KNL1: variants seen among roughly 807,000 people sequenced by gnomAD.
KNL1 encodes the protein kinetochore scaffold 1, also known as outer kinetochore KNL1 complex subunit KNL1.
In KNL1, 66 loss-of-function variants were observed where a neutral mutation model predicts 201.3. That is an observed-to-expected ratio of 0.33 (90% CI 0.27 to 0.40). The LOEUF (loss-of-function observed/expected upper bound fraction) is 0.40, where lower values mean the gene tolerates loss of function less well. Among genes scored for constraint, KNL1 ranks in the 10% least tolerant of loss-of-function variants. The pLI is 1.00. For missense variants in KNL1, 2,815 were observed against 2,690.5 expected (o/e 1.05, Z -1.02); for synonymous variants, 895 against 899.2 (o/e 1.00, Z 0.08).
At chr15:40,607,091 G>C (rs1030761701) in intron 4 of KNL1, among the ~76,000 whole-genome samples, 1 of 152,100 alleles carries the variant, frequency 6.6e-6, no homozygotes, top group African/African-American at 2.4e-5. Context: ...GTATAGACAG[G>C]GTCTTGCTAT....
chr15:40,610,096 A>G (rs1892104954), intron 5 of KNL1, 149 bp from the exon 6 acceptor site: 1 of 500,244 alleles, frequency 2.0e-6, no homozygotes, highest in African/African-American at 2.0e-5. Context: ...TACTTTTGGC[A>G]TTTGAAATAC....
chr15:40,625,694 T>C (rs745594607), intron 10 of KNL1, 54 bp downstream of exon 10: 11 of 1,427,022 alleles, frequency 7.7e-6, no homozygotes, highest in Non-Finnish European at 9.7e-6. Context: ...TTTGTTTTGT[T>C]TTCTTAAATT....
intron 10 of KNL1, chr15:40,626,067 A>G (rs1892744037): frequency 6.5e-6 from 1 of 153,678 alleles, no homozygotes; most frequent in Non-Finnish European, 1.4e-5. Context: ...TGCCAACTGC[A>G]TGAAGTAAAG....
At position 40,647,023 on chromosome 15, in the gene KNL1, A is replaced by C. The variant is rs146571920; in HGVS notation, c.6043A>C (p.Met2015Leu). 5.5e-4 allele frequency: 839 copies of C among 1,525,020 alleles called. 11 individuals are homozygous for C. The East Asian group carries it at 0.016, about 30-fold the overall frequency. The allele number at this position is 1,525,020 out of a possible 1,614,324, so 94.5% of individuals were successfully genotyped here. ...REKLQIKIDEMDKILKKIDNC... is the reference protein window; with the variant it reads ...REKLQIKIDELDKILKKIDNC... ...GAAACTTCAAATAAAGATAGATGAG[A>C]TGGATAAAATACTTAAGAAGATCGA... The change falls in exon 17 of 26, where the codon ATG (methionine) becomes CTG (leucine). Residue 2015 changes from methionine (M) to leucine (L), a missense_variant. Met to Leu is a conservative substitution (Grantham distance 15, BLOSUM62 2). Around this residue, in one of 3 missense-constraint regions of KNL1, gnomAD observed 334 missense variants for 362.6 expected, o/e 0.92. Transcript: ENST00000399668.
chr15:40,606,740 G>A (rs1377175898), intron 4 of KNL1, among the ~76,000 whole-genome samples: 1 of 151,920 alleles, frequency 6.6e-6, no homozygotes, highest in Non-Finnish European at 1.5e-5. Flanking sequence ...CTGGGACTAC[G>A]GCACATGCCA....
At chr15:40,620,153 C>G (rs531134494) in intron 9 of KNL1, among the ~76,000 whole-genome samples, 1 of 152,258 alleles carries the variant, frequency 6.6e-6, no homozygotes, top group African/African-American at 2.4e-5. Context: ...AGGCAATCCC[C>G]CTGCCTCAGC....
intron 4 of KNL1, 139 bp from the exon 5 acceptor site, chr15:40,608,708 G>A (rs1892055954): frequency 1.8e-6 from 1 of 560,112 alleles, no homozygotes; most frequent in Non-Finnish European, 3.1e-6. Flanking sequence ...TCACACCGTT[G>A]CACTCCAGTC....
intron 7 of KNL1, among the ~76,000 whole-genome samples, chr15:40,611,749 G>A (rs995545786): frequency 2.6e-5 from 4 of 151,706 alleles, no homozygotes; most frequent in Non-Finnish European, 5.9e-5. Flanking sequence ...ACAATAGATA[G>A]CAAGTCTTTA....
chr15:40,596,412 G>T (rs1891620553), intron 1 of KNL1, among the ~76,000 whole-genome samples: 1 of 152,076 alleles, frequency 6.6e-6, no homozygotes, highest in South Asian at 2.1e-4. Context: ...CAGTAACTGG[G>T]ATTATAGGCA....
chr15:40,616,804 A>G (rs1315213323), intron 8 of KNL1, among the ~76,000 whole-genome samples: 1 of 152,200 alleles, frequency 6.6e-6, no homozygotes, highest in African/African-American at 2.4e-5. Context: ...ATGAGTTAGA[A>G]TGTCCTTTAT....
intron 8 of KNL1, chr15:40,615,945 T>C (rs1266899682): frequency 1.3e-5 from 2 of 149,690 alleles, no homozygotes; most frequent in East Asian, 4.1e-4. Context: ...TTTTGTATTT[T>C]TAGTAGAGAC....
Position 40,620,675 on chromosome 15 carries a change from T to C in KNL1, c.411T>C (p.His137=), listed in dbSNP as rs374388570. The part of the protein sequence containing the change: ...SIIEHTRERK[H]ANDQTVIFSD... ...TAGAACATACCCGTGAAAGGAAACA[T>C]GCAAATGACCAGACAGTCATTTTTT... Residue 137 remains histidine (H), a synonymous_variant, in exon 10 of 26, where the codon CAT becomes CAC. Transcript: ENST00000399668. The C allele has an allele frequency of 1.3e-6, 2 of 1,593,790 alleles. No homozygotes were observed. Among genetic ancestry groups the C allele is most frequent in the East Asian group, 2.2e-5 (1 of 44,750 alleles).
chr15:40,626,772 G>T (rs1177302306), intron 10 of KNL1, among the ~76,000 whole-genome samples: 1 of 151,952 alleles, frequency 6.6e-6, no homozygotes, highest in Non-Finnish European at 1.5e-5. Context: ...TAGAGACGAG[G>T]TTTCACCACG....
At chr15:40,645,166 C>T (rs1893348552) in intron 15 of KNL1, 79 bp downstream of exon 15, 1 of 964,020 alleles carries the variant, frequency 1.0e-6, no homozygotes. Flanking sequence ...GTAACTGTTA[C>T]TTGGTCATAG....
At chr15:40,646,874 A>T in intron 16 of KNL1, 113 bp from the exon 17 acceptor site, 1 of 493,128 alleles carries the variant, frequency 2.0e-6, no homozygotes, top group Admixed American at 3.6e-5. Context: ...AAAAAAAAAA[A>T]AAAAGATTTG....
Position 40,606,438 on chromosome 15 carries a change from A to T in KNL1, c.121A>T (p.Asn41Tyr). The T allele has an allele frequency of 6.4e-7, 1 of 1,568,192 alleles. No homozygotes were observed. Among genetic ancestry groups the T allele is most frequent in the Non-Finnish European group, 8.8e-7 (1 of 1,138,360 alleles). ...RSPLQDLRGG[N>Y]ERVQESNALR... ...TCCTCTTCAGGACCTCAGAGGTGGG[A>T]ATGAAAGAGTTCAGGTAAGTCTTTT... is the stretch of plus-strand genomic sequence containing the variant. Residue 41 changes from asparagine (N) to tyrosine (Y), a missense_variant, in exon 4 of 26, where the codon AAT (asparagine) becomes TAT (tyrosine). By Grantham distance (143) the Asn-to-Tyr change is moderately radical (BLOSUM62 -2). Transcript: ENST00000399668.
intron 10 of KNL1, among the ~76,000 whole-genome samples, chr15:40,627,123 G>T (rs1373218632): frequency 6.6e-6 from 1 of 152,186 alleles, no homozygotes. Flanking sequence ...TTAAACTCCT[G>T]ATCTCAAGTG....
At chr15:40,613,744 C>G (rs1892248364) in intron 7 of KNL1, among the ~76,000 whole-genome samples, 1 of 151,880 alleles carries the variant, frequency 6.6e-6, no homozygotes, top group South Asian at 2.1e-4. Context: ...GTAGCTAGGA[C>G]TACAGGTGTG....
intron 14 of KNL1, among the ~76,000 whole-genome samples, chr15:40,642,348 G>C (rs1490276102): frequency 1.3e-5 from 2 of 151,386 alleles, no homozygotes; most frequent in East Asian, 3.9e-4. Context: ...GCAGTGAGCT[G>C]AGATCGCACC....
Sources: allele counts gnomAD v4.1 joint callset (sites outside exome capture counted in the v4.1 genomes callset), GRCh38; gene constraint gnomAD v4.1.1; regional missense constraint gnomAD v4.1.1; transcripts MANE v1.5; gene names NCBI Gene and HGNC (gene_info 2026-07-23, HGNC 2026-07-21).